ZNF638: variants seen among roughly 807,000 people sequenced by gnomAD.
ZNF638 encodes CTCL tumor antigen se33-1.
ZNF638 carries 46 observed loss-of-function variants against 195.6 expected under a neutral mutation model. That is an observed-to-expected ratio of 0.24 (90% CI 0.19 to 0.30). The LOEUF (loss-of-function observed/expected upper bound fraction) is 0.30. Ranked by LOEUF, ZNF638 falls within the 10% of genes least tolerant of loss-of-function variation. ZNF638 has a pLI of 1.00. For synonymous variants in ZNF638, 845 were observed against 772.0 expected (o/e 1.09, Z -1.57); for missense variants, 2,440 against 2,325.3 (o/e 1.05, Z -1.01).
At chr2:71,384,034 G>C (rs776206051) in intron 10 of ZNF638, among the ~76,000 whole-genome samples, 2 of 152,060 alleles carry the variant, frequency 1.3e-5, no homozygotes, top group African/African-American at 2.4e-5. Context: ...TCATCCGGTA[G>C]AGTAGTTCTT....
intron 11 of ZNF638, among the ~76,000 whole-genome samples, chr2:71,397,537 C>T (rs982279121): frequency 6.6e-6 from 1 of 152,228 alleles, no homozygotes; most frequent in Non-Finnish European, 1.5e-5. Flanking sequence ...ATTCTCATAA[C>T]GTTCCTGTTA....
intron 21 of ZNF638, 130 bp from the exon 22 acceptor site, chr2:71,422,684 A>G: frequency 2.2e-6 from 2 of 897,530 alleles, no homozygotes. Context: ...AGTGCTTATT[A>G]CGAATGCATC....
intron 10 of ZNF638, among the ~76,000 whole-genome samples, chr2:71,394,636 G>T (rs1341675965): frequency 3.9e-5 from 6 of 152,090 alleles, no homozygotes; most frequent in Non-Finnish European, 7.4e-5. Context: ...GATTGGCAAG[G>T]TTCCTTTGCT....
intron 25 of ZNF638, among the ~76,000 whole-genome samples, chr2:71,429,475 G>GCC (rs2080611020): frequency 6.6e-6 from 1 of 151,874 alleles, no homozygotes; most frequent in African/African-American, 2.4e-5. Context: ...GTTTTTATTT[G>GCC]CCAGAGTAAA....
Position 71,350,145 on chromosome 2 carries a change from A to T in ZNF638, c.1191A>T (p.Ser397=). 1 of 1,613,948 alleles carries T rather than the reference A, an allele frequency of 6.2e-7. No individual in the cohort carries two copies. The highest frequency in any genetic ancestry group is 8.5e-7 in the Non-Finnish European group (1 of 1,180,034). Residue 397 remains serine (S), a synonymous_variant, in exon 2 of 28, where the codon TCA becomes TCT. Transcript: ENST00000264447. Reference sequence around the variant, plus strand: ...AAGCATCCTGGCTACCAAAGTTTTCACATGCTGATGCCCAGAAGATGAAGA... The same window carrying T: ...AAGCATCCTGGCTACCAAAGTTTTCTCATGCTGATGCCCAGAAGATGAAGA... The part of the protein sequence containing the change: ...IVKASWLPKF[S]HADAQKMKRL...
chr2:71,388,816 A>G (rs2079706266), intron 10 of ZNF638: 4 of 750,186 alleles, frequency 5.3e-6, no homozygotes, highest in South Asian at 4.5e-5. Flanking sequence ...GCACAACAGA[A>G]ACAGTATATA....
chr2:71,363,022 A>C, intron 3 of ZNF638, 131 bp from the exon 4 acceptor site: 1 of 735,060 alleles, frequency 1.4e-6, no homozygotes, highest in South Asian at 1.6e-5. Context: ...TATTTATTGA[A>C]TTAAACTCTC....
chr2:71,335,081 C>T (rs971544827), intron 1 of ZNF638, among the ~76,000 whole-genome samples: 1 of 152,154 alleles, frequency 6.6e-6, no homozygotes, highest in African/African-American at 2.4e-5. Flanking sequence ...GAGACAGGAT[C>T]TCACTCTTTC....
At chr2:71,376,191 T>C (rs2079420259) in intron 8 of ZNF638, 1 of 152,204 alleles carries the variant, frequency 6.6e-6, no homozygotes, top group African/African-American at 2.4e-5. Context: ...ATACGAGCAC[T>C]AGAAGCTAGA....
chr2:71,387,839 A>C (rs996035347), intron 10 of ZNF638, among the ~76,000 whole-genome samples: 10 of 152,224 alleles, frequency 6.6e-5, no homozygotes, highest in African/African-American at 2.2e-4. Flanking sequence ...TTAATGCATA[A>C]GTATTTTGAG....
chr2:71,378,051 C>T (rs1292760078), intron 8 of ZNF638, among the ~76,000 whole-genome samples: 2 of 152,112 alleles, frequency 1.3e-5, no homozygotes, highest in African/African-American at 4.8e-5. Flanking sequence ...TTTTCTAAAA[C>T]ATTAAAATGA....
At position 71,403,918 on chromosome 2, in the gene ZNF638, T is replaced by C; in HGVS notation, c.2878T>C (p.Tyr960His). Reference protein sequence around the residue: ...RKAAESMVKFYTCFPVLMDGN... With the variant: ...RKAAESMVKFHTCFPVLMDGN... The stretch of plus-strand genomic sequence containing the variant: ...AGCTGCTGAGTCTATGGTAAAATTT[T>C]ATACCTGCTTCCCAGTATTGATGGA... The change falls in exon 17 of 28, where the codon TAT becomes CAT. Residue 960 changes from tyrosine (Y) to histidine (H), a missense_variant. By Grantham distance (83) the Tyr-to-His change is moderately conservative. Coordinates refer to ENST00000264447, the MANE Select transcript of ZNF638 (RefSeq NM_014497.5). 6.2e-7 allele frequency: 1 copy of C among 1,608,824 alleles called. No individual in the cohort carries two copies. Among genetic ancestry groups the C allele is most frequent in the Non-Finnish European group, 8.5e-7 (1 of 1,175,602 alleles).
intron 7 of ZNF638, among the ~76,000 whole-genome samples, chr2:71,369,289 C>T (rs2079264021): frequency 6.9e-6 from 1 of 144,798 alleles, no homozygotes; most frequent in Non-Finnish European, 1.5e-5. Flanking sequence ...CGCCGCTGCA[C>T]TCTAGCCTGG....
Position 71,368,373 on chromosome 2 carries a change from CA to C in ZNF638, c.1996-4del, listed in dbSNP as rs2079244250. The C allele has an allele frequency of 6.2e-7, 1 of 1,602,144 alleles. No individual in the cohort carries two copies. The highest frequency in any genetic ancestry group is 8.5e-7 in the Non-Finnish European group (1 of 1,175,840). On this transcript the variant is annotated splice_polypyrimidine_tract_variant and splice_region_variant and intron_variant, in intron 6 of 27. Transcript: ENST00000264447. ...GTTTATTTTAAATTTTCTTTCACTC[CA>C]AAAATAGCTTCGGAAAGAACAGTCA...
At chr2:71,428,424 C>T (rs2080584180) in intron 24 of ZNF638, 123 bp from the exon 25 acceptor site, 1 of 627,642 alleles carries the variant, frequency 1.6e-6, no homozygotes, top group Non-Finnish European at 2.7e-6. Context: ...AGTAGGCTTC[C>T]CTCCCAAATT....
At chr2:71,341,542 A>T (rs1189289386) in intron 1 of ZNF638, among the ~76,000 whole-genome samples, 2 of 152,110 alleles carry the variant, frequency 1.3e-5, no homozygotes, top group South Asian at 2.1e-4. Flanking sequence ...TGATGGTTTT[A>T]TTGGTAAGGA....
chr2:71,399,782 C>A, intron 13 of ZNF638, 137 bp downstream of exon 13: 1 of 704,660 alleles, frequency 1.4e-6, no homozygotes, highest in Non-Finnish European at 2.4e-6. Context: ...ATTTCATCAC[C>A]CAGATATTAA....
At chr2:71,359,538 A>G (rs2079075785) in intron 3 of ZNF638, among the ~76,000 whole-genome samples, 1 of 152,178 alleles carries the variant, frequency 6.6e-6, no homozygotes, top group Non-Finnish European at 1.5e-5. Context: ...CTCACAGACT[A>G]ATCTTCACTG....
intron 25 of ZNF638, 87 bp downstream of exon 25, chr2:71,428,738 A>G: frequency 8.4e-7 from 1 of 1,184,362 alleles, no homozygotes; most frequent in Non-Finnish European, 1.2e-6. Flanking sequence ...GAAGAAAAGT[A>G]GAAAATCAGT....
Sources: allele counts gnomAD v4.1 joint callset (sites outside exome capture counted in the v4.1 genomes callset), GRCh38; gene constraint gnomAD v4.1.1; transcripts MANE v1.5; gene names NCBI Gene and HGNC (gene_info 2026-07-23, HGNC 2026-07-21).